The following CFAP45 variants were observed in gnomAD, a reference collection of about 807,000 sequenced individuals.
CFAP45 encodes cilia- and flagella-associated protein 45.
CFAP45 carries 43 observed loss-of-function variants against 75.6 expected under a neutral mutation model. The observed-to-expected ratio is 0.57, with a 90% CI of 0.45 to 0.73. The LOEUF is 0.73. Among genes scored for constraint, CFAP45 ranks in the 30% least tolerant of loss-of-function variants. The pLI is 0.00. For missense variants in CFAP45, 689 were observed against 701.5 expected, an observed-to-expected ratio of 0.98 and a Z score of 0.20; for synonymous variants, 223 against 244.6, an observed-to-expected ratio of 0.91 and a Z score of 0.82.
chr1:159,885,260 C>A (rs1467640580), intron 6 of CFAP45, among the ~76,000 whole-genome samples: 3 of 152,220 alleles, frequency 2.0e-5, no homozygotes, highest in Non-Finnish European at 4.4e-5. Flanking sequence ...AGTTGCCTAA[C>A]AAGACAGAGT....
intron 2 of CFAP45, among the ~76,000 whole-genome samples, chr1:159,892,804 A>G (rs1649859156): frequency 6.6e-6 from 1 of 152,188 alleles, no homozygotes; most frequent in Non-Finnish European, 1.5e-5. Flanking sequence ...TGATGCTATT[A>G]TCCTTGGATG....
intron 2 of CFAP45, 114 bp downstream of exon 2, chr1:159,893,066 G>C: frequency 8.2e-7 from 1 of 1,216,826 alleles, no homozygotes; most frequent in East Asian, 2.4e-5. Context: ...TTTGTCTTCA[G>C]TCTGAGAGTT....
At chr1:159,896,580 G>A (rs1008704540) in intron 1 of CFAP45, among the ~76,000 whole-genome samples, 1 of 152,188 alleles carries the variant, frequency 6.6e-6, no homozygotes, top group African/African-American at 2.4e-5. Flanking sequence ...AGGAGGTGAC[G>A]GGCTGGTTTT....
intron 1 of CFAP45, chr1:159,898,086 T>C: frequency 1.0e-6 from 1 of 984,788 alleles, no homozygotes; most frequent in Non-Finnish European, 1.2e-6. Flanking sequence ...ATCTAGTTCT[T>C]CTTTTGCACA....
At chr1:159,882,555 C>T (rs953084010) in intron 7 of CFAP45, among the ~76,000 whole-genome samples, 11 of 152,122 alleles carry the variant, frequency 7.2e-5, no homozygotes, top group South Asian at 2.1e-4. Flanking sequence ...AGGTGGGAAA[C>T]GCTGCCCTTC....
chr1:159,873,266 A>G lies in CFAP45; in HGVS notation c.1353-98T>C, dbSNP rs1649324164. 6 of 946,136 alleles carry G rather than the reference A, an allele frequency of 6.3e-6. No homozygotes were observed. In the Admixed American group the frequency reaches 1.3e-4, roughly 21 times the overall value. 58.6% of individuals were successfully genotyped at this position (946,136 alleles called of 1,614,324 possible). ...TCCTGGGTGGGCTCCTTCAGTAGAC[A>G]TGCCTCAGAGACCACAGCCCTCTGG... On this transcript the variant is annotated intron_variant, in intron 10 of 11. Coordinates refer to ENST00000368099, the MANE Select transcript of CFAP45 (RefSeq NM_012337.3).
intron 1 of CFAP45, among the ~76,000 whole-genome samples, chr1:159,899,462 CTTTTTTTT>C (rs57828010): frequency 1.7e-5 from 1 of 60,528 alleles, no homozygotes; most frequent in Admixed American, 2.3e-4. Context: ...CTCACCAGTG[CTTTTTTTT>C]TTTTTTTTTT....
intron 1 of CFAP45, among the ~76,000 whole-genome samples, chr1:159,899,382 T>A (rs560008021): frequency 1.3e-5 from 2 of 151,582 alleles, no homozygotes; most frequent in East Asian, 3.9e-4. Context: ...TCGGGCACAT[T>A]AGATGACTTA....
intron 8 of CFAP45, 60 bp from the exon 9 acceptor site, chr1:159,877,522 C>A: frequency 8.6e-7 from 1 of 1,160,120 alleles, no homozygotes; most frequent in Non-Finnish European, 1.3e-6. Flanking sequence ...CAGAGAGAAA[C>A]AAAACCCCTA....
rs563332239 is a variant in CFAP45, at chr1:159,884,384, G to A, written c.897+52C>T. 3.9e-6 allele frequency: 6 copies of A among 1,558,032 alleles called. No homozygotes were observed. The East Asian group carries it at 9.4e-5, about 25-fold the overall frequency. ...ACCCTGAAACCCCAGAGTCTTGAAG[G>A]GTTTTGATGCTGCAGCTGGTGAAAC... On this transcript the variant is annotated intron_variant, in intron 7 of 11. Transcript: ENST00000368099.
chr1:159,879,788 G>C (rs1187829950), intron 8 of CFAP45, among the ~76,000 whole-genome samples: 1 of 152,178 alleles, frequency 6.6e-6, no homozygotes, highest in African/African-American at 2.4e-5. Flanking sequence ...GAGGAGCATA[G>C]AGAAGTACAA....
At chr1:159,887,370 T>C (rs975668956) in intron 5 of CFAP45, among the ~76,000 whole-genome samples, 13 of 152,276 alleles carry the variant, frequency 8.5e-5, no homozygotes, top group Admixed American at 8.5e-4. Context: ...ACAACAGAAT[T>C]CAAATGAGCC....
rs549173491 is a variant in CFAP45, at chr1:159,892,236, G to A, written c.129+944C>T. Among the ~76,000 whole-genome samples, 4 of 152,240 alleles carry A rather than the reference G, an allele frequency of 2.6e-5. No individual in the cohort carries two copies. In the South Asian group the frequency reaches 6.2e-4, roughly 24 times the overall value. The stretch of plus-strand genomic sequence containing the variant: ...TGGGAAGTGGAGGTGGCAGTGAGCC[G>A]AGACTGTACCATTGCACTCCAGCTC... On this transcript the variant is annotated intron_variant, in intron 2 of 11. Coordinates refer to ENST00000368099, the MANE Select transcript of CFAP45 (RefSeq NM_012337.3).
At chr1:159,898,539 C>G (rs1484532215) in intron 1 of CFAP45, among the ~76,000 whole-genome samples, 1 of 152,186 alleles carries the variant, frequency 6.6e-6, no homozygotes, top group African/African-American at 2.4e-5. Context: ...CAGTCCTGTC[C>G]CAGGAATTAC....
At chr1:159,873,298 GC>G in intron 10 of CFAP45, 130 bp from the exon 11 acceptor site, 2 of 699,744 alleles carry the variant, frequency 2.9e-6, no homozygotes, top group Admixed American at 2.8e-5. Flanking sequence ...CTGGGCTCCA[GC>G]CCCATTTTGT....
intron 9 of CFAP45, 180 bp from the exon 10 acceptor site, chr1:159,876,929 G>C (rs1384033385): frequency 5.9e-6 from 4 of 678,306 alleles, no homozygotes; most frequent in Non-Finnish European, 1.0e-5. Flanking sequence ...AAACCTTTGG[G>C]TTAGAAGATA....
chr1:159,884,604 G>A, intron 6 of CFAP45, 39 bp from the exon 7 acceptor site: 2 of 1,591,572 alleles, frequency 1.3e-6, no homozygotes, highest in Non-Finnish European at 8.6e-7. Flanking sequence ...AGAAACCCCG[G>A]GTCCACATCT....
chr1:159,876,507 C>T (rs953648100), intron 10 of CFAP45, 49 bp downstream of exon 10: 2 of 1,339,818 alleles, frequency 1.5e-6, no homozygotes, highest in Non-Finnish European at 2.1e-6. Context: ...ATGGACCATC[C>T]CTGCTACAGT....
chr1:159,873,227 GT>G, intron 10 of CFAP45, 59 bp from the exon 11 acceptor site: 1 of 1,498,026 alleles, frequency 6.7e-7, no homozygotes. Flanking sequence ...GCCAGGAAAG[GT>G]GGTGGGGGAG....
Sources: gnomAD v4.1 joint callset for allele counts (sites outside exome capture counted in the v4.1 genomes callset) on GRCh38, gnomAD v4.1.1 for gene constraint, MANE v1.5 for transcripts, NCBI Gene and HGNC (gene_info 2026-07-23, HGNC 2026-07-21) for gene names.